The following SLBP variants were observed in gnomAD, a reference collection of about 807,000 sequenced individuals.
SLBP encodes the protein stem-loop histone mRNA binding protein.
A neutral mutation model predicts 39.2 loss-of-function variants in SLBP; 29 were observed. The observed-to-expected ratio is 0.74, with a 90% CI of 0.55 to 1.01. The LOEUF is 1.01. Among genes scored for constraint, SLBP ranks in the 50% least tolerant of loss-of-function variants. SLBP has a pLI of 0.00. For synonymous variants in SLBP, 129 were observed against 118.7 expected (o/e 1.09, Z -0.57); for missense variants, 390 against 350.2 (o/e 1.11, Z -0.91).
intron 2 of SLBP, among the ~76,000 whole-genome samples, chr4:1,709,277 A>G (rs1204756037): frequency 2.0e-5 from 3 of 152,080 alleles, no homozygotes; most frequent in African/African-American, 7.2e-5. Context: ...AGGCTTATCG[A>G]GTGCCTGTAT....
At chr4:1,711,770 C>T in intron 2 of SLBP, 104 bp downstream of exon 2, 3 of 550,416 alleles carry the variant, frequency 5.5e-6, no homozygotes, top group South Asian at 5.5e-5. Flanking sequence ...ACGCAGGGTG[C>T]CGACCTGACC....
At chr4:1,696,046 G>A (rs1422218129) in intron 6 of SLBP, among the ~76,000 whole-genome samples, 156 bp downstream of exon 6, 1 of 152,096 alleles carries the variant, frequency 6.6e-6, no homozygotes, top group Non-Finnish European at 1.5e-5. Flanking sequence ...CTCCCTCCCA[G>A]TACAGAAGAA....
At chr4:1,709,858 G>A (rs565970155) in intron 2 of SLBP, among the ~76,000 whole-genome samples, 10 of 152,222 alleles carry the variant, frequency 6.6e-5, no homozygotes, top group African/African-American at 2.2e-4. Context: ...TGATCCACCC[G>A]CCTTTTGCCA....
intron 2 of SLBP, among the ~76,000 whole-genome samples, chr4:1,710,023 G>C (rs542805137): frequency 2.0e-5 from 3 of 152,272 alleles, no homozygotes; most frequent in Admixed American, 1.3e-4. Flanking sequence ...CTCTTAACCT[G>C]TCTCTTCTCA....
chr4:1,701,493 GTC>G (rs1206968218), intron 3 of SLBP, among the ~76,000 whole-genome samples: 1 of 152,146 alleles, frequency 6.6e-6, no homozygotes, highest in Non-Finnish European at 1.5e-5. Flanking sequence ...TAGTCTGTTA[GTC>G]TCCTTAAAGC....
intron 5 of SLBP, among the ~76,000 whole-genome samples, chr4:1,696,692 G>A (rs1198146296): frequency 1.3e-5 from 2 of 152,174 alleles, no homozygotes; most frequent in Non-Finnish European, 2.9e-5. Flanking sequence ...GAGGTCAGCA[G>A]TTCGAGACCA....
Position 1,703,664 on chromosome 4 carries a change from T to A in SLBP, c.213A>T (p.Arg71Ser). ...CAACTGCACTTGCCCAGTCAGAGCATCTGGAACGGGGTTTAGGGCCTTCAG... is the reference window on the plus strand; with the variant it reads ...CAACTGCACTTGCCCAGTCAGAGCAACTGGAACGGGGTTTAGGGCCTTCAG... ...TTPEGPKPRSRCSDWASAVEE... is the reference protein window; with the variant it reads ...TTPEGPKPRSSCSDWASAVEE... The change falls in exon 3 of 8, where the codon AGA (arginine) becomes AGT (serine). Residue 71 changes from arginine (R) to serine (S), a missense_variant. By Grantham distance (110) the Arg-to-Ser change is moderately radical. Coordinates refer to ENST00000489418, the MANE Select transcript of SLBP (RefSeq NM_006527.4). The A allele has an allele frequency of 6.2e-7, 1 of 1,613,966 alleles. No individual in the cohort carries two copies. The highest frequency in any genetic ancestry group is 1.1e-5 in the South Asian group (1 of 91,088).
At position 1,711,919 on chromosome 4, in the gene SLBP, T is replaced by A. The variant is rs1341728262; in HGVS notation, c.131A>T (p.Asp44Val). Residue 44 changes from aspartate to valine, a missense_variant, in exon 2 of 8, where the codon GAC (aspartate) becomes GTC (valine). Asp to Val is a radical substitution (Grantham distance 152). Transcript: ENST00000489418. ...RADGRRWRPE[D>V]AEEAEHRGAE... ...GCCGCGGTGCTCTGCCTCCTCGGCG[T>A]CTTCGGGCCTCCAGCGCCTGCCGTC... 1.5e-6 allele frequency: 2 copies of A among 1,362,696 alleles called. No individual in the cohort carries two copies. The highest frequency in any genetic ancestry group is 6.8e-5 in the Admixed American group (2 of 29,342). 84.4% of individuals were successfully genotyped at this position (1,362,696 alleles called of 1,614,324 possible). A position where few individuals can be genotyped will look rare whatever the true frequency, so the allele number is the denominator to read the frequency against.
chr4:1,700,566 CT>C (rs35302220), intron 3 of SLBP, among the ~76,000 whole-genome samples: 65,537 of 148,654 alleles, frequency 0.44, 15,746 homozygotes, highest in East Asian at 0.69. Flanking sequence ...ATGTGAGTAT[CT>C]TTTTTTTTTT....
chr4:1,707,568 T>C (rs1304502589), intron 2 of SLBP, among the ~76,000 whole-genome samples: 1 of 152,162 alleles, frequency 6.6e-6, no homozygotes, highest in Non-Finnish European at 1.5e-5. Flanking sequence ...GCAGTTCAAA[T>C]TGATGTATCT....
intron 2 of SLBP, among the ~76,000 whole-genome samples, chr4:1,705,139 C>T (rs2108662658): frequency 6.6e-6 from 1 of 152,284 alleles, no homozygotes; most frequent in African/African-American, 2.4e-5. Flanking sequence ...GTTGGCCAGG[C>T]TGGTCTCGAA....
chr4:1,710,596 G>A (rs189184621), intron 2 of SLBP, among the ~76,000 whole-genome samples: 251 of 152,294 alleles, frequency 1.6e-3, no homozygotes, highest in Middle Eastern at 6.8e-3. Context: ...TAGGTTGAAG[G>A]AGAAAGATCT....
At chr4:1,697,526 T>G (rs1244171420) in intron 5 of SLBP, among the ~76,000 whole-genome samples, 4 of 150,898 alleles carry the variant, frequency 2.7e-5, no homozygotes, top group Non-Finnish European at 3.0e-5. Context: ...CAAATATGTT[T>G]AAAAAAATTA....
intron 2 of SLBP, among the ~76,000 whole-genome samples, chr4:1,704,600 G>A (rs553922757): frequency 5.4e-4 from 82 of 152,204 alleles, no homozygotes; most frequent in East Asian, 1.2e-3. Context: ...CATGCTTGAC[G>A]GTGCAGAGCA....
intron 5 of SLBP, among the ~76,000 whole-genome samples, chr4:1,697,877 G>A (rs1265680762): frequency 6.6e-6 from 1 of 152,100 alleles, no homozygotes; most frequent in East Asian, 1.9e-4. Context: ...AGTGGCTCAC[G>A]CTTGTAATCA....
chr4:1,697,125 C>G (rs1423725473), intron 5 of SLBP, among the ~76,000 whole-genome samples: 2 of 131,462 alleles, frequency 1.5e-5, no homozygotes, highest in East Asian at 4.5e-4. Context: ...GCCACTGCAA[C>G]TCCAGTCTGG....
intron 7 of SLBP, among the ~76,000 whole-genome samples, chr4:1,693,984 T>C (rs1346331878): frequency 1.3e-5 from 2 of 152,224 alleles, no homozygotes; most frequent in Non-Finnish European, 2.9e-5. Context: ...GCCATGTACA[T>C]AGTTTATAAG....
At chr4:1,695,088 T>C (rs1298363776) in intron 6 of SLBP, among the ~76,000 whole-genome samples, 2 of 152,140 alleles carry the variant, frequency 1.3e-5, no homozygotes, top group Non-Finnish European at 2.9e-5. Flanking sequence ...ACAAGCATCC[T>C]TGGAAACAGA....
chr4:1,712,150 G>C lies in SLBP; in HGVS notation c.39C>G (p.Ser13Arg). Reference sequence around the variant, plus strand: ...CTCACCTGGCGTCACCGTCGCAGCGGCTCTGATGCCTCGGCGGGCTTCGCG... The same window carrying C: ...CTCACCTGGCGTCACCGTCGCAGCGCCTCTGATGCCTCGGCGGGCTTCGCG... ...CRPRSPPRHQ[S>R]RCDGDASPPS... Residue 13 changes from serine to arginine, a missense_variant, in exon 1 of 8, where the codon AGC (serine) becomes AGG (arginine). Ser to Arg is a moderately radical substitution (Grantham distance 110, BLOSUM62 -1). Transcript: ENST00000489418. 1.6e-6 allele frequency: 2 copies of C among 1,235,790 alleles called. No individual in the cohort carries two copies. Among genetic ancestry groups the C allele is most frequent in the Non-Finnish European group, 2.0e-6 (2 of 992,100 alleles). The allele number at this position is 1,235,790 out of a possible 1,614,324, so 76.6% of individuals were successfully genotyped here.
Sources: allele counts gnomAD v4.1 joint callset (sites outside exome capture counted in the v4.1 genomes callset), GRCh38; gene constraint gnomAD v4.1.1; transcripts MANE v1.5; gene names NCBI Gene and HGNC (gene_info 2026-07-23, HGNC 2026-07-21).